IQCH: variants seen among roughly 807,000 people sequenced by gnomAD.
IQCH encodes IQ motif containing H, also known as IQ domain-containing protein H.
IQCH carries 98 observed loss-of-function variants against 117.0 expected under a neutral mutation model. That is an observed-to-expected ratio of 0.84 (90% CI 0.71 to 0.99). The LOEUF is 0.99. Ranked by LOEUF, IQCH falls within the 50% of genes least tolerant of loss-of-function variation. The pLI, the probability that IQCH is intolerant of heterozygous loss-of-function variation, is 0.00. For missense variants in IQCH, 1,102 were observed against 1,243.8 expected (o/e 0.89, Z 1.72); for synonymous variants, 412 against 448.2 (o/e 0.92, Z 1.02).
At position 67,416,820 on chromosome 15, in the gene IQCH, C is replaced by A; in HGVS notation, c.2098-111C>A. The A allele has an allele frequency of 1.2e-6, 1 of 809,774 alleles. No homozygotes were observed. Among genetic ancestry groups the A allele is most frequent in the Non-Finnish European group, 1.8e-6 (1 of 566,390 alleles). 50.2% of individuals were successfully genotyped at this position (809,774 alleles called of 1,614,324 possible). A position where few individuals can be genotyped will look rare whatever the true frequency, so the allele number is the denominator to read the frequency against. The stretch of plus-strand genomic sequence containing the variant: ...AAATGGCTTTCTGACTCTGGGTAAA[C>A]AGTAACCACATTTTTTTTGCCTGTT... On this transcript the variant is annotated intron_variant, in intron 14 of 20. Coordinates refer to ENST00000335894, the MANE Select transcript of IQCH (RefSeq NM_001031715.3). The surrounding 1 kb of genome is among the most constrained non-coding windows in gnomAD (Gnocchi z 5.1).
rs1335889154 is a variant in IQCH at position 67,287,999 on chromosome 15, C to G, written c.387+8487C>G. Among the ~76,000 whole-genome samples, 8 of 151,854 alleles carry G rather than the reference C, an allele frequency of 5.3e-5. No individual in the cohort carries two copies. The East Asian group carries it at 1.5e-3, about 29-fold the overall frequency. ...CAGTTTTCTTAATTTCTTCATTGAC[C>G]CACTGGTCATTCAGGAGCATATTGT... On this transcript the variant is annotated intron_variant, in intron 4 of 20. Coordinates refer to ENST00000335894, the MANE Select transcript of IQCH (RefSeq NM_001031715.3).
chr15:67,439,880 C>CA (rs71209391), intron 16 of IQCH, among the ~76,000 whole-genome samples: 1 of 113,300 alleles, frequency 8.8e-6, no homozygotes, highest in African/African-American at 3.9e-5. Context: ...AAGAGCAAAA[C>CA]TCCGTCTCAA....
At position 67,422,688 on chromosome 15, in the gene IQCH, T is replaced by C. The variant is rs2081779528; in HGVS notation, c.2505+1111T>C. On this transcript the variant is annotated intron_variant, in intron 16 of 20. Transcript: ENST00000335894. The surrounding 1 kb of genome is among the most constrained non-coding windows in gnomAD (Gnocchi z 4.7). Reference sequence around the variant, plus strand: ...ATGCTTTTGTTTAATATTCCATTTGTGAGATTCTTCATGTGCATAGGTATG... The same window carrying C: ...ATGCTTTTGTTTAATATTCCATTTGCGAGATTCTTCATGTGCATAGGTATG... Among the ~76,000 whole-genome samples, 1 of 152,260 alleles carries C rather than the reference T, an allele frequency of 6.6e-6. No individual in the cohort carries two copies. Among genetic ancestry groups the C allele is most frequent in the Non-Finnish European group, 1.5e-5 (1 of 68,048 alleles).
At chr15:67,383,015 A>C (rs1970988017) in intron 10 of IQCH, among the ~76,000 whole-genome samples, 1 of 152,340 alleles carries the variant, frequency 6.6e-6, no homozygotes, top group Middle Eastern at 3.4e-3. Context: ...ACTTAAAAAA[A>C]TATATTGACT....
At chr15:67,266,446 G>A (rs547939836) in intron 3 of IQCH, among the ~76,000 whole-genome samples, 1 of 152,200 alleles carries the variant, frequency 6.6e-6, no homozygotes, top group East Asian at 1.9e-4. Flanking sequence ...CACGAGGTCA[G>A]GAGATCAAGA....
At chr15:67,336,757 C>T (rs1968909551) in intron 4 of IQCH, among the ~76,000 whole-genome samples, 2 of 152,134 alleles carry the variant, frequency 1.3e-5, no homozygotes, top group South Asian at 4.1e-4. Flanking sequence ...GAAATCACAA[C>T]TTGTTAATTG....
At position 67,417,017 on chromosome 15, in the gene IQCH, G is replaced by T. The variant is rs759039728; in HGVS notation, c.2184G>T (p.Thr728=). The part of the protein sequence containing the change: ...AQPVNEKRFP[T]WRKFLQTFLS... ...CAGTCAATGAGAAACGGTTCCCGAC[G>T]TGGAGGAAATTCCTCCAAACATTTC... is the stretch of plus-strand genomic sequence containing the variant. The change falls in exon 15 of 21, where the codon ACG becomes ACT. Residue 728 remains threonine, a synonymous_variant. Coordinates refer to ENST00000335894, the MANE Select transcript of IQCH (RefSeq NM_001031715.3). The surrounding 1 kb of genome is among the most constrained non-coding windows in gnomAD (Gnocchi z 4.3). 1.2e-6 allele frequency: 2 copies of T among 1,609,770 alleles called. No homozygotes were observed. Among genetic ancestry groups the T allele is most frequent in the Non-Finnish European group, 1.7e-6 (2 of 1,178,134 alleles).
At position 67,254,853 on chromosome 15, in the gene IQCH, T is replaced by G. The variant is rs751036390; in HGVS notation, c.-44T>G. ...GGCTCCGGCTGAAGGTTTCCGTGCT[T>G]GGAAACCGCGCCTCCGCGGAGGTAG... On this transcript the variant is annotated 5_prime_UTR_variant, in exon 1 of 21. Coordinates refer to ENST00000335894, the MANE Select transcript of IQCH (RefSeq NM_001031715.3). 6 of 1,595,966 alleles carry G rather than the reference T, an allele frequency of 3.8e-6. No individual in the cohort carries two copies. The highest frequency in any genetic ancestry group is 4.6e-5 in the East Asian group (2 of 43,890).
rs1443579375 is a variant in IQCH, at chr15:67,472,683, T to C, written c.2677-3013T>C. Among the ~76,000 whole-genome samples, 2 of 152,184 alleles carry C rather than the reference T, an allele frequency of 1.3e-5. No homozygotes were observed. Among genetic ancestry groups the C allele is most frequent in the East Asian group, 1.9e-4 (1 of 5,182 alleles). On this transcript the variant is annotated intron_variant, in intron 17 of 20. Coordinates refer to ENST00000335894, the MANE Select transcript of IQCH (RefSeq NM_001031715.3). This position sits in a 1 kb window ranked among gnomAD's most constrained non-coding sequence, Gnocchi z 4.3. ...ATCACATACACAGTAAGTGGCCTTG[T>C]CAGGTTCTGAACTTCTTTCTCACTC...
rs1436642081 is a variant in IQCH at position 67,417,078 on chromosome 15, G to A, written c.2218+27G>A. 1 of 1,583,966 alleles carries A rather than the reference G, an allele frequency of 6.3e-7. No homozygotes were observed. The highest frequency in any genetic ancestry group is 8.6e-7 in the Non-Finnish European group (1 of 1,166,416). ...TAAATAAGACTGTAAAGTTTCTATT[G>A]AGGATTAGTCTACACAACCTTGGAT... On this transcript the variant is annotated intron_variant, in intron 15 of 20. Transcript: ENST00000335894. The surrounding 1 kb of genome is among the most constrained non-coding windows in gnomAD (Gnocchi z 4.3).
rs540920874 is a variant in IQCH, at chr15:67,501,029, A to G, written c.*283A>G. 10 of 201,210 alleles carry G rather than the reference A, an allele frequency of 5.0e-5. No homozygotes were observed. In the East Asian group the frequency reaches 1.2e-3, roughly 23 times the overall value. 12.5% of individuals were successfully genotyped at this position (201,210 alleles called of 1,614,324 possible). ...AGTAATCTGATAAAAGAAGAAAGTT[A>G]AAAGTCTTACTGATATCACCTCCGC... is the stretch of plus-strand genomic sequence containing the variant. On this transcript the variant is annotated 3_prime_UTR_variant, in exon 21 of 21. Coordinates refer to ENST00000335894, the MANE Select transcript of IQCH (RefSeq NM_001031715.3). The surrounding 1 kb of genome is among the most constrained non-coding windows in gnomAD (Gnocchi z 5.2).
chr15:67,358,319 C>T (rs1210211545), intron 7 of IQCH, among the ~76,000 whole-genome samples: 5 of 143,384 alleles, frequency 3.5e-5, no homozygotes, highest in Admixed American at 2.2e-4. Flanking sequence ...CTTAGCCTCC[C>T]GAGTAGCTGA....
chr15:67,344,902 T>G (rs1045687611), intron 6 of IQCH, among the ~76,000 whole-genome samples: 5 of 152,200 alleles, frequency 3.3e-5, no homozygotes, highest in African/African-American at 1.2e-4. Context: ...AGAATTGCAA[T>G]TTAAATGTCA....
chr15:67,404,219 C>T lies in IQCH; in HGVS notation c.2097+3914C>T, dbSNP rs947886044. The T allele has an allele frequency of 6.6e-6, 1 of 152,124 alleles. No homozygotes were observed. Among genetic ancestry groups the T allele is most frequent in the Admixed American group, 6.6e-5 (1 of 15,266 alleles). The allele number at this position is 152,124 out of a possible 1,614,324, so 9.4% of individuals were successfully genotyped here. On this transcript the variant is annotated intron_variant, in intron 14 of 20. Transcript: ENST00000335894. This position sits in a 1 kb window ranked among gnomAD's most constrained non-coding sequence, Gnocchi z 4.6. ...CACAAAGGTAGGAGAAGAACTATGC[C>T]TGGAAAAGGTAGAATAAACCACAGT...
chr15:67,498,338 G>T (rs187032751), intron 20 of IQCH, among the ~76,000 whole-genome samples: 1 of 152,040 alleles, frequency 6.6e-6, no homozygotes, highest in Non-Finnish European at 1.5e-5. Flanking sequence ...AAAATGGGCC[G>T]GGCGCGGTGG....
rs1971244073 is a variant in IQCH, at chr15:67,390,303, T to A, written c.1632+1297T>A. Among the ~76,000 whole-genome samples the A allele has an allele frequency of 1.3e-5, 2 of 152,116 alleles. No individual in the cohort carries two copies. The highest frequency in any genetic ancestry group is 4.2e-4 in the South Asian group (2 of 4,818). ...GAAGAAAAAGAACTACCATTAGTGT[T>A]TAGTTAAATTCCTGATTTTCTCCAG... On this transcript the variant is annotated intron_variant, in intron 12 of 20. Coordinates refer to ENST00000335894, the MANE Select transcript of IQCH (RefSeq NM_001031715.3). The surrounding 1 kb of genome is among the most constrained non-coding windows in gnomAD (Gnocchi z 5.0).
chr15:67,388,847 C>T lies in IQCH; in HGVS notation c.1473C>T (p.Val491=). 6.2e-7 allele frequency: 1 copy of T among 1,613,448 alleles called. No homozygotes were observed. Among genetic ancestry groups the T allele is most frequent in the Non-Finnish European group, 8.5e-7 (1 of 1,179,540 alleles). The change falls in exon 12 of 21, where the codon GTC becomes GTT. Residue 491 remains valine (V), a synonymous_variant. Transcript: ENST00000335894. This position sits in a 1 kb window ranked among gnomAD's most constrained non-coding sequence, Gnocchi z 5.5. ...LCDILDANVN[V]IYICSHHMND... The stretch of plus-strand genomic sequence containing the variant: ...TGTTTTTAGATGCCAATGTGAATGT[C>T]ATCTACATCTGCTCCCATCATATGA...
rs371928688 is a variant in IQCH, at chr15:67,500,763, A to G, written c.*17A>G. On this transcript the variant is annotated 3_prime_UTR_variant, in exon 21 of 21. Transcript: ENST00000335894. The surrounding 1 kb of genome is among the most constrained non-coding windows in gnomAD (Gnocchi z 4.4). Reference sequence around the variant, plus strand: ...AAGAAATGATCCTGGAATACAGTACATAACAATTTGGATCCCAGTCTGGAA... The same window carrying G: ...AAGAAATGATCCTGGAATACAGTACGTAACAATTTGGATCCCAGTCTGGAA... 11 of 1,323,568 alleles carry G rather than the reference A, an allele frequency of 8.3e-6. No homozygotes were observed. Among genetic ancestry groups the G allele is most frequent in the Middle Eastern group, 4.3e-4 (2 of 4,650 alleles). 82.0% of individuals were successfully genotyped at this position (1,323,568 alleles called of 1,614,324 possible). A position where few individuals can be genotyped will look rare whatever the true frequency, so the allele number is the denominator to read the frequency against.
chr15:67,304,539 G>T, intron 4 of IQCH: 1 of 600,908 alleles, frequency 1.7e-6, no homozygotes, highest in South Asian at 2.8e-5. Flanking sequence ...TAATGTAGAT[G>T]TTAAGTAAAG....
Sources: gnomAD v4.1 joint callset for allele counts (sites outside exome capture counted in the v4.1 genomes callset) on GRCh38, gnomAD v4.1.1 for gene constraint, Gnocchi (gnomAD v3.1) non-coding constraint, MANE v1.5 for transcripts, NCBI Gene and HGNC (gene_info 2026-07-23, HGNC 2026-07-21) for gene names.